Variants in GRID2 observed in about 807,000 individuals in gnomAD.
GRID2 encodes the protein glutamate ionotropic receptor delta type subunit 2, also known as glutamate receptor ionotropic, delta-2.
In GRID2, 33 loss-of-function variants were observed where a neutral mutation model predicts 114.8. The observed-to-expected ratio is 0.29, with a 90% CI of 0.22 to 0.38. The LOEUF (loss-of-function observed/expected upper bound fraction) is 0.38. GRID2 is among the 10% of genes least tolerant of loss of function. The pLI is 1.00. For synonymous variants in GRID2, 505 were observed against 449.9 expected (o/e 1.12, Z -1.55); for missense variants, 1,184 against 1,257.7 (o/e 0.94, Z 0.89).
chr4:93,662,355 C>T (rs1158372607), intron 14 of GRID2, among the ~76,000 whole-genome samples: 1 of 152,118 alleles, frequency 6.6e-6, no homozygotes, highest in Non-Finnish European at 1.5e-5. Context: ...TGTGTCCTTC[C>T]CATAATATGC....
chr4:92,445,915 T>C (rs1195613734), intron 1 of GRID2, among the ~76,000 whole-genome samples: 3 of 152,198 alleles, frequency 2.0e-5, no homozygotes, highest in Admixed American at 6.5e-5. Context: ...GTTTTGTTAC[T>C]AAAATCAGTA....
intron 2 of GRID2, among the ~76,000 whole-genome samples, chr4:92,645,689 A>C (rs182034321): frequency 6.6e-6 from 1 of 151,714 alleles, no homozygotes; most frequent in African/African-American, 2.4e-5. Context: ...GACCACTATG[A>C]TTTTTATCAC....
intron 9 of GRID2, among the ~76,000 whole-genome samples, chr4:93,414,244 C>G (rs1357408908): frequency 4.6e-5 from 7 of 152,090 alleles, no homozygotes; most frequent in African/African-American, 1.7e-4. Context: ...ATTGATCTCC[C>G]AGCTTCTTCA....
intron 2 of GRID2, among the ~76,000 whole-genome samples, chr4:92,773,663 A>C (rs1191854288): frequency 1.3e-5 from 2 of 152,032 alleles, no homozygotes; most frequent in Non-Finnish European, 2.9e-5. Context: ...AACTATTCCC[A>C]TACAGTTTAA....
chr4:93,416,258 TA>T (rs944720486), intron 9 of GRID2, among the ~76,000 whole-genome samples: 5 of 151,824 alleles, frequency 3.3e-5, no homozygotes, highest in Admixed American at 1.3e-4. Flanking sequence ...ATATGCTCTA[TA>T]AAAAAAAGTG....
intron 1 of GRID2, among the ~76,000 whole-genome samples, chr4:92,494,469 A>C (rs138716617): frequency 6.6e-6 from 1 of 151,982 alleles, no homozygotes; most frequent in African/African-American, 2.4e-5. Context: ...CTTATTTTAC[A>C]TGTCACATGA....
At chr4:92,676,292 G>T (rs1258405623) in intron 2 of GRID2, among the ~76,000 whole-genome samples, 2 of 150,634 alleles carry the variant, frequency 1.3e-5, no homozygotes, top group African/African-American at 4.9e-5. Context: ...CCCTTCTCCT[G>T]CCTCAGCCTC....
At chr4:92,911,049 G>A (rs1748339317) in intron 2 of GRID2, among the ~76,000 whole-genome samples, 1 of 151,880 alleles carries the variant, frequency 6.6e-6, no homozygotes, top group South Asian at 2.1e-4. Context: ...GTATATAATA[G>A]GACAAATAAT....
chr4:92,591,815 C>T (rs745706586), intron 2 of GRID2, among the ~76,000 whole-genome samples: 2 of 151,914 alleles, frequency 1.3e-5, no homozygotes, highest in African/African-American at 4.8e-5. Context: ...ATGAATAGAA[C>T]TGTTTTAAGT....
At chr4:92,804,259 A>G (rs1213558489) in intron 2 of GRID2, among the ~76,000 whole-genome samples, 1 of 152,042 alleles carries the variant, frequency 6.6e-6, no homozygotes, top group Non-Finnish European at 1.5e-5. Context: ...TAATTAAATC[A>G]TATGGAAAAA....
At position 92,391,531 on chromosome 4, in the gene GRID2, T is replaced by TA. The variant is rs1165235489; in HGVS notation, c.88+86795dup. 3.3e-5 allele frequency among the ~76,000 whole-genome samples: 5 copies of TA among 151,956 alleles called. No individual in the cohort carries two copies. In the East Asian group the frequency reaches 7.7e-4, roughly 24 times the overall value. ...ATGAAAATGATAAATATTGAGATTG[T>TA]AAAAAAAACCATTCAACATTTAGAA... is the stretch of plus-strand genomic sequence containing the variant. On this transcript the variant is annotated intron_variant, in intron 1 of 15. Coordinates refer to ENST00000282020, the MANE Select transcript of GRID2 (RefSeq NM_001510.4).
rs542809205 is a variant in GRID2 at position 92,389,844 on chromosome 4, A to G, written c.88+85100A>G. Among the ~76,000 whole-genome samples, 7 of 152,152 alleles carry G rather than the reference A, an allele frequency of 4.6e-5. No individual in the cohort carries two copies. In the South Asian group the frequency reaches 1.5e-3, roughly 32 times the overall value. The stretch of plus-strand genomic sequence containing the variant: ...GTCATATAGTTTCATTCTTGCCCCT[A>G]TATTATTCTAAAGGTTCATTATTAA... On this transcript the variant is annotated intron_variant, in intron 1 of 15. Transcript: ENST00000282020.
intron 14 of GRID2, among the ~76,000 whole-genome samples, chr4:93,676,124 G>C (rs1168116756): frequency 6.6e-6 from 1 of 152,218 alleles, no homozygotes; most frequent in African/African-American, 2.4e-5. Context: ...TGCCACTAAT[G>C]CTAGAACAGT....
intron 4 of GRID2, among the ~76,000 whole-genome samples, chr4:93,189,163 G>C (rs2149445020): frequency 6.6e-6 from 1 of 152,132 alleles, no homozygotes; most frequent in East Asian, 1.9e-4. Flanking sequence ...CCCCAGTTTT[G>C]GGTACCAAAT....
At chr4:93,142,504 G>A (rs1735868065) in intron 4 of GRID2, among the ~76,000 whole-genome samples, 1 of 152,014 alleles carries the variant, frequency 6.6e-6, no homozygotes, top group Admixed American at 6.5e-5. Flanking sequence ...AAATAATGAG[G>A]CATCTACCCT....
At chr4:92,324,899 A>C (rs2110133051) in intron 1 of GRID2, among the ~76,000 whole-genome samples, 1 of 152,054 alleles carries the variant, frequency 6.6e-6, no homozygotes, top group Admixed American at 6.6e-5. Flanking sequence ...CCATTGTAAT[A>C]ATATTAGTGG....
At chr4:93,508,976 A>T (rs1044734515) in intron 12 of GRID2, among the ~76,000 whole-genome samples, 1 of 152,206 alleles carries the variant, frequency 6.6e-6, no homozygotes, top group Non-Finnish European at 1.5e-5. Flanking sequence ...TTTGGCTTAT[A>T]CTGTGAATAT....
intron 7 of GRID2, among the ~76,000 whole-genome samples, chr4:93,236,874 G>C (rs549942795): frequency 5.9e-5 from 9 of 151,992 alleles, no homozygotes; most frequent in Admixed American, 5.9e-4. Context: ...TTATGCCAAC[G>C]ATTTCTAAGA....
chr4:93,428,915 A>G (rs559807174), intron 10 of GRID2, among the ~76,000 whole-genome samples: 1 of 152,340 alleles, frequency 6.6e-6, no homozygotes, highest in African/African-American at 2.4e-5. Context: ...GCTAGAAGGA[A>G]TCAAAGAGCA....
Sources: gnomAD v4.1 joint callset for allele counts (sites outside exome capture counted in the v4.1 genomes callset) on GRCh38, gnomAD v4.1.1 for gene constraint, MANE v1.5 for transcripts, NCBI Gene and HGNC (gene_info 2026-07-23, HGNC 2026-07-21) for gene names.